The following MED13 variants were observed in gnomAD, a reference collection of about 807,000 sequenced individuals.
The protein encoded by MED13 is mediator of RNA polymerase II transcription subunit 13.
A neutral mutation model predicts 225.2 loss-of-function variants in MED13; 23 were observed. That is an observed-to-expected ratio of 0.10 (90% CI 0.07 to 0.14). MED13 has a LOEUF of 0.14. MED13 is among the 10% of genes least tolerant of loss of function. The pLI is 1.00. For missense variants in MED13, 2,197 were observed against 2,594.5 expected, an observed-to-expected ratio of 0.85 and a Z score of 3.33; for synonymous variants, 942 against 889.2, an observed-to-expected ratio of 1.06 and a Z score of -1.06.
At chr17:62,045,472 A>T (rs535789955) in intron 3 of MED13, among the ~76,000 whole-genome samples, 223 of 152,190 alleles carry the variant, frequency 1.5e-3, no homozygotes, top group African/African-American at 5.2e-3. Context: ...GCAATGAGTT[A>T]TGATTGCGCT....
At chr17:62,057,524 C>G (rs1341235684) in intron 2 of MED13, among the ~76,000 whole-genome samples, 2 of 151,770 alleles carry the variant, frequency 1.3e-5, no homozygotes, top group Admixed American at 1.3e-4. Context: ...ATAAATTACT[C>G]TCTTTAGACT....
In MED13 at chr17:62,015,806, C is replaced by CTA. The variant is rs1345957196; in HGVS notation, c.1284-4575_1284-4574dup. Among the ~76,000 whole-genome samples, 21 of 122,532 alleles carry CTA rather than the reference C, an allele frequency of 1.7e-4. No homozygotes were observed. The East Asian group carries it at 3.5e-3, about 20-fold the overall frequency. The allele number at this position is 122,532 out of a possible 152,430, so 80.4% of individuals were successfully genotyped here. A position where few individuals can be genotyped will look rare whatever the true frequency, so the allele number is the denominator to read the frequency against. ...ATATATACACACACACTATATATAT[C>CTA]TATATATATACATACACACTATATA... On this transcript the variant is annotated intron_variant, in intron 8 of 29. Transcript: ENST00000397786.
In MED13 at chr17:61,951,718, T is replaced by C. The variant is rs2079898286; in HGVS notation, c.6118-720A>G. On this transcript the variant is annotated intron_variant, in intron 27 of 29. Transcript: ENST00000397786. ...ATAATTTGCTTAAAAGTAAAAATGGTTTTATTAAGGTGGTGGGATTACTGG... is the reference window on the plus strand; with the variant it reads ...ATAATTTGCTTAAAAGTAAAAATGGCTTTATTAAGGTGGTGGGATTACTGG... 2.0e-5 allele frequency among the ~76,000 whole-genome samples: 3 copies of C among 152,140 alleles called. No homozygotes were observed. The South Asian group carries it at 6.2e-4, about 32-fold the overall frequency.
rs543339704 is a variant in MED13 at position 62,031,406 on chromosome 17, C to CA, written c.1009+37dup. ...TAAGTACTTACTGTACACAAAATAACAAATTACCAGAGCTGATGAGACAAA... is the reference window on the plus strand; with the variant it reads ...TAAGTACTTACTGTACACAAAATAACAAAATTACCAGAGCTGATGAGACAAA... On this transcript the variant is annotated intron_variant, in intron 6 of 29. Transcript: ENST00000397786. 6.2e-5 allele frequency: 91 copies of CA among 1,456,758 alleles called. No homozygotes were observed. In the East Asian group the frequency reaches 1.7e-3, roughly 27 times the overall value. The allele number at this position is 1,456,758 out of a possible 1,614,324, so 90.2% of individuals were successfully genotyped here. A position where few individuals can be genotyped will look rare whatever the true frequency, so the allele number is the denominator to read the frequency against.
chr17:62,050,232 C>T (rs146959614), intron 3 of MED13, among the ~76,000 whole-genome samples: 480 of 151,930 alleles, frequency 3.2e-3, no homozygotes, highest in Admixed American at 7.3e-3. Context: ...ATGGCAGACG[C>T]CTGTAATCCC....
At chr17:62,028,954 G>A (rs1040905008) in intron 8 of MED13, among the ~76,000 whole-genome samples, 6 of 152,208 alleles carry the variant, frequency 3.9e-5, no homozygotes, top group Non-Finnish European at 5.9e-5. Context: ...TTAGGAGTTC[G>A]AAATAAGCCT....
In MED13 at chr17:62,009,653, G is replaced by C. The variant is rs73334702; in HGVS notation, c.1967+897C>G. The stretch of plus-strand genomic sequence containing the variant: ...GGGTTTAAACTATATACCAGTTGCT[G>C]AACTGCAACTGGGCAACAACCCTTA... On this transcript the variant is annotated intron_variant, in intron 9 of 29. Coordinates refer to ENST00000397786, the MANE Select transcript of MED13 (RefSeq NM_005121.3). Among the ~76,000 whole-genome samples the C allele has an allele frequency of 5.3e-3, 801 of 152,266 alleles. 4 individuals carry two copies. Among genetic ancestry groups the C allele is most frequent in the African/African-American group, 0.018 (758 of 41,556 alleles).
chr17:61,957,474 C>T (rs538369366), intron 23 of MED13, among the ~76,000 whole-genome samples: 4 of 151,962 alleles, frequency 2.6e-5, no homozygotes, highest in South Asian at 2.1e-4. Flanking sequence ...CTCAGCTTCC[C>T]GAGTAGCTGG....
intron 16 of MED13, among the ~76,000 whole-genome samples, chr17:61,974,199 C>G (rs1603395046): frequency 6.6e-6 from 1 of 151,984 alleles, no homozygotes; most frequent in South Asian, 2.1e-4. Context: ...ACTGCTCGAG[C>G]TTAGGAGGTC....
chr17:62,026,479 A>C (rs1378298351), intron 8 of MED13, among the ~76,000 whole-genome samples: 2 of 133,780 alleles, frequency 1.5e-5, no homozygotes, highest in Non-Finnish European at 3.2e-5. Flanking sequence ...ATTTATCATT[A>C]AAAAAAAAAA....
intron 1 of MED13, among the ~76,000 whole-genome samples, chr17:62,064,655 A>T (rs2081066741): frequency 6.6e-6 from 1 of 152,164 alleles, no homozygotes; most frequent in African/African-American, 2.4e-5. Flanking sequence ...CGTTAGTTTG[A>T]CTCATACAAA....
At chr17:62,033,422 T>C (rs996642596) in intron 5 of MED13, among the ~76,000 whole-genome samples, 1 of 152,222 alleles carries the variant, frequency 6.6e-6, no homozygotes, top group African/African-American at 2.4e-5. Flanking sequence ...CCCAATGACT[T>C]TGGCTTGGCC....
At chr17:62,003,057 G>C (rs1320032429) in intron 9 of MED13, among the ~76,000 whole-genome samples, 2 of 152,150 alleles carry the variant, frequency 1.3e-5, no homozygotes, top group African/African-American at 4.8e-5. Context: ...AATGTTACCT[G>C]GGGATGGGGC....
At chr17:61,959,723 A>C (rs896322406) in intron 23 of MED13, among the ~76,000 whole-genome samples, 6 of 146,076 alleles carry the variant, frequency 4.1e-5, no homozygotes, top group Non-Finnish European at 8.9e-5. Context: ...ATAGAACCCA[A>C]ATCTTTTTTT....
At chr17:61,983,834 T>C (rs564109862) in intron 15 of MED13, among the ~76,000 whole-genome samples, 84 of 151,590 alleles carry the variant, frequency 5.5e-4, no homozygotes, top group African/African-American at 2.0e-3. Context: ...GTTCAAGCCA[T>C]TCTTGTGCCT....
intron 16 of MED13, among the ~76,000 whole-genome samples, chr17:61,980,503 G>C (rs372078109): frequency 6.6e-6 from 1 of 152,208 alleles, no homozygotes; most frequent in East Asian, 1.9e-4. Context: ...CTCCTCTGTA[G>C]TTAGTACTAC....
intron 11 of MED13, among the ~76,000 whole-genome samples, chr17:61,990,529 T>A (rs1274916501): frequency 6.6e-6 from 1 of 150,660 alleles, no homozygotes; most frequent in Non-Finnish European, 1.5e-5. Flanking sequence ...AGTAAAATGT[T>A]AAAAAAATGT....
chr17:62,065,159 T>G lies in MED13; in HGVS notation c.47A>C (p.His16Pro), dbSNP rs1178579026. ...VPNGASLEDC[H>P]CNLFCLADLT... ...ACTCACCAGGCAGAAGAGGTTACAGTGACAATCTTCCAGGCTGGCCCCGTT... is the reference window on the plus strand; with the variant it reads ...ACTCACCAGGCAGAAGAGGTTACAGGGACAATCTTCCAGGCTGGCCCCGTT... Residue 16 changes from histidine to proline, a missense_variant, in exon 1 of 30, where the codon CAC becomes CCC. Transcript: ENST00000397786. 6.3e-7 allele frequency: 1 copy of G among 1,580,532 alleles called. No individual in the cohort carries two copies. Among genetic ancestry groups the G allele is most frequent in the Non-Finnish European group, 8.6e-7 (1 of 1,165,090 alleles).
At chr17:61,971,221 T>A (rs6504078) in intron 17 of MED13, among the ~76,000 whole-genome samples, 11,337 of 150,740 alleles carry the variant, frequency 0.075, 1,460 homozygotes, top group African/African-American at 0.26. Flanking sequence ...TATGTGCAGA[T>A]AGAAATGATC....
Sources: gnomAD v4.1 joint callset for allele counts (sites outside exome capture counted in the v4.1 genomes callset) on GRCh38, gnomAD v4.1.1 for gene constraint, MANE v1.5 for transcripts, NCBI Gene and HGNC (gene_info 2026-07-23, HGNC 2026-07-21) for gene names.